Variants in EEPD1 observed in about 807,000 individuals in gnomAD.
EEPD1 encodes endonuclease/exonuclease/phosphatase family domain containing 1, also known as endonuclease/exonuclease/phosphatase family domain-containing protein 1.
Under a neutral mutation model 46.3 loss-of-function variants are expected in EEPD1, and 17 were observed. The ratio of observed to expected loss-of-function variants is 0.37; its 90% confidence interval spans 0.25 to 0.55. The LOEUF is 0.55. EEPD1 is among the 20% of genes least tolerant of loss of function. The probability of loss-of-function intolerance (pLI) is 0.83; values close to 1 mark genes in which losing one functional copy is unlikely to be tolerated. For missense variants in EEPD1, 673 were observed against 745.6 expected (o/e 0.90, Z 1.13); for synonymous variants, 313 against 315.6 (o/e 0.99, Z 0.09).
At chr7:36,222,941 A>G (rs1232024902) in intron 2 of EEPD1, among the ~76,000 whole-genome samples, 1 of 152,166 alleles carries the variant, frequency 6.6e-6, no homozygotes, top group Non-Finnish European at 1.5e-5. Context: ...GCTTGAGGTC[A>G]GGAGTTCGAG....
intron 2 of EEPD1, among the ~76,000 whole-genome samples, chr7:36,213,658 G>T (rs927054713): frequency 6.6e-6 from 1 of 152,178 alleles, no homozygotes; most frequent in Non-Finnish European, 1.5e-5. Context: ...TCTAACTCCA[G>T]ACACTGCTTC....
chr7:36,215,017 C>T lies in EEPD1; in HGVS notation c.879-23968C>T, dbSNP rs140256245. On this transcript the variant is annotated intron_variant, in intron 2 of 7. Coordinates refer to ENST00000242108, the MANE Select transcript of EEPD1 (RefSeq NM_030636.3). ...CTGAGCCAGTGAGGAGCTCCTGGGC[C>T]CCCCTGAATTTGGTATTTTAAATTG... 5.3e-3 allele frequency among the ~76,000 whole-genome samples: 804 copies of T among 152,212 alleles called. 3 individuals carry two copies. The highest frequency in any genetic ancestry group is 0.018 in the African/African-American group (764 of 41,532).
chr7:36,231,906 A>G (rs1786337748), intron 2 of EEPD1, among the ~76,000 whole-genome samples: 2 of 152,176 alleles, frequency 1.3e-5, no homozygotes, highest in South Asian at 4.1e-4. Flanking sequence ...TGAAATAAAT[A>G]CCATAAACTG....
chr7:36,206,539 C>T (rs1267520208), intron 2 of EEPD1, among the ~76,000 whole-genome samples: 3 of 152,148 alleles, frequency 2.0e-5, no homozygotes, highest in Non-Finnish European at 4.4e-5. Context: ...AGAAGCCATA[C>T]ACTCAGCACC....
intron 2 of EEPD1, among the ~76,000 whole-genome samples, chr7:36,203,941 T>C (rs1785764461): frequency 6.6e-6 from 1 of 151,368 alleles, no homozygotes; most frequent in African/African-American, 2.4e-5. Flanking sequence ...ATCACGCTGA[T>C]GTATAATTTT....
At chr7:36,293,314 T>C (rs928051928) in intron 6 of EEPD1, among the ~76,000 whole-genome samples, 2 of 152,168 alleles carry the variant, frequency 1.3e-5, no homozygotes, top group South Asian at 2.1e-4. Context: ...GAGGTACCCG[T>C]CCTTTCCATG....
At chr7:36,194,281 A>C (rs1785535919) in intron 2 of EEPD1, among the ~76,000 whole-genome samples, 1 of 152,220 alleles carries the variant, frequency 6.6e-6, no homozygotes, top group South Asian at 2.1e-4. Flanking sequence ...CCATAAGTAC[A>C]TGTTGGAGGA....
In EEPD1 at chr7:36,154,043, T is replaced by C. The variant is rs1784770023; in HGVS notation, c.-192-90T>C. Reference sequence around the variant, plus strand: ...TCACGGGCAGCCACCAGTCCCCGACTCCTGGTTACTAACTCTAGCACTAGG... The same window carrying C: ...TCACGGGCAGCCACCAGTCCCCGACCCCTGGTTACTAACTCTAGCACTAGG... On this transcript the variant is annotated intron_variant, in intron 1 of 7. Coordinates refer to ENST00000242108, the MANE Select transcript of EEPD1 (RefSeq NM_030636.3). This position sits in a 1 kb window ranked among gnomAD's most constrained non-coding sequence, Gnocchi z 4.2. 4.3e-6 allele frequency: 2 copies of C among 469,068 alleles called. No individual in the cohort carries two copies. Among genetic ancestry groups the C allele is most frequent in the Non-Finnish European group, 7.6e-6 (2 of 261,558 alleles). The allele number at this position is 469,068 out of a possible 1,614,324, so 29.1% of individuals were successfully genotyped here.
chr7:36,171,287 G>GTA (rs1339712587), intron 2 of EEPD1, among the ~76,000 whole-genome samples: 1 of 139,170 alleles, frequency 7.2e-6, no homozygotes, highest in African/African-American at 2.6e-5. Flanking sequence ...GATTTTCAAG[G>GTA]TATACTCTGT....
intron 2 of EEPD1, among the ~76,000 whole-genome samples, chr7:36,156,921 C>T (rs6947233): frequency 0.017 from 2,661 of 152,214 alleles, 78 homozygotes; most frequent in African/African-American, 0.061. Context: ...AGTCGGCCCT[C>T]CATACCTGTG....
At chr7:36,287,587 G>A in intron 5 of EEPD1, 52 bp from the exon 6 acceptor site, 1 of 1,589,770 alleles carries the variant, frequency 6.3e-7, no homozygotes, top group Non-Finnish European at 8.6e-7. Context: ...AACGGATACA[G>A]GAAATATGAG....
At chr7:36,282,034 C>T (rs911832730) in intron 4 of EEPD1, among the ~76,000 whole-genome samples, 17 of 152,290 alleles carry the variant, frequency 1.1e-4, no homozygotes, top group Middle Eastern at 3.4e-3. Context: ...CCCCTACTCT[C>T]TTTTTAGCTA....
At chr7:36,297,807 G>A (rs1023404681) in intron 7 of EEPD1, among the ~76,000 whole-genome samples, 2 of 152,172 alleles carry the variant, frequency 1.3e-5, no homozygotes, top group African/African-American at 4.8e-5. Flanking sequence ...CTGCAGACTG[G>A]TAACCTGCTG....
chr7:36,281,293 G>A (rs1787259091), intron 4 of EEPD1, 68 bp downstream of exon 4: 5 of 1,408,704 alleles, frequency 3.5e-6, no homozygotes, highest in Non-Finnish European at 4.9e-6. Context: ...CCTAATCAAG[G>A]GCATTTAAAA....
At chr7:36,188,048 G>C (rs943970549) in intron 2 of EEPD1, among the ~76,000 whole-genome samples, 2 of 152,048 alleles carry the variant, frequency 1.3e-5, no homozygotes, top group African/African-American at 4.8e-5. Context: ...CGCCTGCCTC[G>C]GCCTCCCAAA....
At position 36,154,179 on chromosome 7, in the gene EEPD1, C is replaced by A; in HGVS notation, c.-146C>A. ...TTGGACACGCCAGGCATGGAAGATT[C>A]GGTGTTTGTCTATAGTAACCTCTTC... On this transcript the variant is annotated 5_prime_UTR_variant, in exon 2 of 8. An upstream open reading frame in the 5' UTR gains an earlier in-frame stop. Transcript: ENST00000242108. This position sits in a 1 kb window ranked among gnomAD's most constrained non-coding sequence, Gnocchi z 4.2. 2 of 974,744 alleles carry A rather than the reference C, an allele frequency of 2.1e-6. No homozygotes were observed. The highest frequency in any genetic ancestry group is 1.8e-5 in the South Asian group (1 of 56,684). The allele number at this position is 974,744 out of a possible 1,614,324, so 60.4% of individuals were successfully genotyped here.
intron 3 of EEPD1, among the ~76,000 whole-genome samples, chr7:36,254,252 AT>A (rs1417846249): frequency 6.6e-6 from 1 of 152,014 alleles, no homozygotes; most frequent in Non-Finnish European, 1.5e-5. Flanking sequence ...TACATTAGGT[AT>A]TTCTCTTAAT....
At chr7:36,190,112 C>A (rs1420191) in intron 2 of EEPD1, among the ~76,000 whole-genome samples, 6 of 152,164 alleles carry the variant, frequency 3.9e-5, no homozygotes, top group African/African-American at 9.7e-5. Flanking sequence ...TGGCTCACAC[C>A]TATAATCCCA....
chr7:36,180,191 T>C (rs1223135757), intron 2 of EEPD1, among the ~76,000 whole-genome samples: 1 of 152,230 alleles, frequency 6.6e-6, no homozygotes, highest in Non-Finnish European at 1.5e-5. Flanking sequence ...AATAACTAGC[T>C]GATACCGGGA....
Sources: allele counts gnomAD v4.1 joint callset (sites outside exome capture counted in the v4.1 genomes callset), GRCh38; gene constraint gnomAD v4.1.1; non-coding constraint Gnocchi (gnomAD v3.1); transcripts MANE v1.5; gene names NCBI Gene and HGNC (gene_info 2026-07-23, HGNC 2026-07-21).